VPS13A: variants seen among roughly 807,000 people sequenced by gnomAD.
The protein encoded by VPS13A is intermembrane lipid transfer protein VPS13A.
In VPS13A, 264 loss-of-function variants were observed where a neutral mutation model predicts 390.9. That is an observed-to-expected ratio of 0.68 (90% CI 0.61 to 0.75). The LOEUF (loss-of-function observed/expected upper bound fraction) is 0.75. Ranked by LOEUF, VPS13A falls within the 30% of genes least tolerant of loss-of-function variation. The pLI is 0.00. For missense variants in VPS13A, 3,409 were observed against 3,733.9 expected, an observed-to-expected ratio of 0.91 and a Z score of 2.27; for synonymous variants, 1,231 against 1,227.1, an observed-to-expected ratio of 1.00 and a Z score of -0.07.
intron 31 of VPS13A, among the ~76,000 whole-genome samples, chr9:77,286,432 A>C (rs1000753538): frequency 6.6e-6 from 1 of 152,164 alleles, no homozygotes; most frequent in African/African-American, 2.4e-5. Flanking sequence ...TGGCTTTTCA[A>C]AAGTTTATTC....
At chr9:77,281,455 A>G (rs1240013042) in intron 27 of VPS13A, among the ~76,000 whole-genome samples, 2 of 152,180 alleles carry the variant, frequency 1.3e-5, no homozygotes, top group Non-Finnish European at 2.9e-5. Context: ...TTTTTTAAAA[A>G]GAAAAAGAAA....
intron 26 of VPS13A, among the ~76,000 whole-genome samples, chr9:77,278,766 A>G (rs892360664): frequency 5.3e-5 from 8 of 152,220 alleles, no homozygotes; most frequent in Non-Finnish European, 1.2e-4. Flanking sequence ...TAGCAACCGT[A>G]AGTCATTTGG....
rs1057515657 is a variant in VPS13A, at chr9:77,339,728, T to C, written c.6591T>C (p.Ala2197=). 6.2e-7 allele frequency: 1 copy of C among 1,614,128 alleles called. No homozygotes were observed. Among genetic ancestry groups the C allele is most frequent in the Non-Finnish European group, 8.5e-7 (1 of 1,179,994 alleles). The change falls in exon 48 of 72, where the codon GCT becomes GCC. Residue 2197 remains alanine, a synonymous_variant. Transcript: ENST00000360280. The stretch of plus-strand genomic sequence containing the variant: ...TGGAAAAGACTGATTTAGATATTGC[T>C]GTCCATATGACTTACAATACTGGTC... ...TEMEKTDLDI[A]VHMTYNTGQT... is the part of the protein sequence containing the mutation.
chr9:77,371,841 C>T (rs1358054871), intron 67 of VPS13A, among the ~76,000 whole-genome samples: 1 of 123,516 alleles, frequency 8.1e-6, no homozygotes, highest in African/African-American at 3.1e-5. Context: ...GTGATATTCC[C>T]CTTCCTGTGT....
chr9:77,196,175 A>G (rs983003308), intron 1 of VPS13A, among the ~76,000 whole-genome samples: 1 of 152,138 alleles, frequency 6.6e-6, no homozygotes, highest in Non-Finnish European at 1.5e-5. Context: ...CATAACGTCA[A>G]TCTTTTATAA....
At chr9:77,370,790 T>C in intron 65 of VPS13A, 100 bp from the exon 66 acceptor site, 1 of 1,509,902 alleles carries the variant, frequency 6.6e-7, no homozygotes, top group Non-Finnish European at 9.1e-7. Context: ...TCTTATGCTA[T>C]ATAAAAAGCA....
chr9:77,251,905 C>T (rs1381707775), intron 21 of VPS13A, among the ~76,000 whole-genome samples: 1 of 152,096 alleles, frequency 6.6e-6, no homozygotes, highest in Non-Finnish European at 1.5e-5. Flanking sequence ...TAAACATTAC[C>T]TAGAAGAGTA....
intron 51 of VPS13A, 46 bp downstream of exon 51, chr9:77,344,327 A>C: frequency 6.3e-7 from 1 of 1,582,182 alleles, no homozygotes; most frequent in Non-Finnish European, 8.7e-7. Context: ...GAAAGCTAAA[A>C]TATACTGACT....
intron 32 of VPS13A, among the ~76,000 whole-genome samples, chr9:77,295,137 G>A (rs1321683334): frequency 6.6e-6 from 1 of 151,268 alleles, no homozygotes; most frequent in Admixed American, 6.6e-5. Context: ...TTTGGAATTT[G>A]GAAATTGGAA....
At position 77,214,402 on chromosome 9, in the gene VPS13A, A is replaced by G. The variant is rs538553625; in HGVS notation, c.754+16A>G. ...TATGATTTTGGTAAGTACATTTTAT[A>G]AGATAAAAAAAGTAGTTAAAGTAAT... On this transcript the variant is annotated intron_variant, in intron 10 of 71. Coordinates refer to ENST00000360280, the MANE Select transcript of VPS13A (RefSeq NM_033305.3). 5.0e-6 allele frequency: 8 copies of G among 1,594,178 alleles called. No individual in the cohort carries two copies. In the Admixed American group the frequency reaches 1.2e-4, roughly 23 times the overall value.
chr9:77,337,687 T>A, intron 47 of VPS13A, 150 bp downstream of exon 47: 3 of 722,316 alleles, frequency 4.2e-6, no homozygotes, highest in Non-Finnish European at 4.3e-6. Context: ...TTGCAACAAG[T>A]ATGAGAATTA....
chr9:77,219,534 G>A (rs1037338320), intron 10 of VPS13A, among the ~76,000 whole-genome samples: 4 of 152,114 alleles, frequency 2.6e-5, no homozygotes, highest in African/African-American at 9.7e-5. Flanking sequence ...AACACAGATG[G>A]ATCTAGAGAA....
intron 61 of VPS13A, 79 bp from the exon 62 acceptor site, chr9:77,367,976 A>C: frequency 7.7e-7 from 1 of 1,294,190 alleles, no homozygotes; most frequent in Non-Finnish European, 1.1e-6. Context: ...GATTCTAAAG[A>C]AAATAAAGCC....
Position 77,247,406 on chromosome 9 carries a change from A to G in VPS13A, c.2037+11A>G, listed in dbSNP as rs767532027. 10 of 1,592,520 alleles carry G rather than the reference A, an allele frequency of 6.3e-6. No individual in the cohort carries two copies. In the African/African-American group the frequency reaches 9.4e-5, roughly 15 times the overall value. ...CTTGGTCATCTAAAGGTATATACTA[A>G]TAATATTTGATTTATGATACAGCAT... On this transcript the variant is annotated intron_variant, in intron 20 of 71. Coordinates refer to ENST00000360280, the MANE Select transcript of VPS13A (RefSeq NM_033305.3).
Position 77,337,305 on chromosome 9 carries a change from G to C in VPS13A, c.6146G>C (p.Gly2049Ala). The C allele has an allele frequency of 6.2e-7, 1 of 1,613,004 alleles. No individual in the cohort carries two copies. Among genetic ancestry groups the C allele is most frequent in the Non-Finnish European group, 8.5e-7 (1 of 1,179,650 alleles). ...PEDENYQMCEGIDFEEIIKND... is the reference protein window; with the variant it reads ...PEDENYQMCEAIDFEEIIKND... Reference sequence around the variant, plus strand: ...GATGAGAACTATCAAATGTGTGAAGGAATTGACTTTGAAGAGATTATAAAA... The same window carrying C: ...GATGAGAACTATCAAATGTGTGAAGCAATTGACTTTGAAGAGATTATAAAA... The change falls in exon 47 of 72, where the codon GGA becomes GCA. Residue 2049 changes from glycine (G) to alanine (A), a missense_variant. Transcript: ENST00000360280.
intron 39 of VPS13A, 85 bp from the exon 40 acceptor site, chr9:77,317,521 A>G (rs1300761298): frequency 5.0e-6 from 5 of 993,042 alleles, no homozygotes; most frequent in African/African-American, 3.3e-5. Flanking sequence ...TGTTTATTTG[A>G]CATACCTATT....
intron 67 of VPS13A, among the ~76,000 whole-genome samples, chr9:77,380,527 A>T (rs1833370703): frequency 2.6e-5 from 4 of 151,842 alleles, no homozygotes; most frequent in South Asian, 2.1e-4. Flanking sequence ...GGCCAGGCTG[A>T]TCTCGAACTC....
chr9:77,364,241 A>G lies in VPS13A; in HGVS notation c.8212-1219A>G, dbSNP rs552984258. On this transcript the variant is annotated intron_variant, in intron 59 of 71. Coordinates refer to ENST00000360280, the MANE Select transcript of VPS13A (RefSeq NM_033305.3). ...AGGAGTTCGAGACCACCCTGGCAACATAGTGAAACCCCATCTCTACTAAAA... is the reference window on the plus strand; with the variant it reads ...AGGAGTTCGAGACCACCCTGGCAACGTAGTGAAACCCCATCTCTACTAAAA... Among the ~76,000 whole-genome samples, 25 of 152,262 alleles carry G rather than the reference A, an allele frequency of 1.6e-4. No homozygotes were observed. The South Asian group carries it at 5.2e-3, about 32-fold the overall frequency.
intron 62 of VPS13A, 130 bp from the exon 63 acceptor site, chr9:77,369,169 A>C (rs1465646229): frequency 1.4e-6 from 1 of 705,340 alleles, no homozygotes; most frequent in Non-Finnish European, 2.5e-6. Flanking sequence ...TAATAAAATG[A>C]GATGGTTTAG....
Sources: gnomAD v4.1 joint callset for allele counts (sites outside exome capture counted in the v4.1 genomes callset) on GRCh38, gnomAD v4.1.1 for gene constraint, MANE v1.5 for transcripts, NCBI Gene and HGNC (gene_info 2026-07-23, HGNC 2026-07-21) for gene names.